Variants in PCDHGB4 observed in about 807,000 individuals in gnomAD.
PCDHGB4 encodes the protein protocadherin gamma-B4.
PCDHGB4 carries 38 observed loss-of-function variants against 60.5 expected under a neutral mutation model. The observed-to-expected ratio is 0.63, with a 90% CI of 0.48 to 0.82. PCDHGB4 has a LOEUF of 0.82. Among genes scored for constraint, PCDHGB4 ranks in the 40% least tolerant of loss-of-function variants. PCDHGB4 has a pLI of 0.00. For missense variants in PCDHGB4, 1,109 were observed against 1,209.6 expected (o/e 0.92, Z 1.23); for synonymous variants, 456 against 509.7 (o/e 0.89, Z 1.42).
chr5:141,486,287 A>G lies in PCDHGB4; in HGVS notation c.2398-8520A>G, dbSNP rs1484787777. Reference sequence around the variant, plus strand: ...AGAACCTGGCACTGTGGTGGCACTTATCAGTGTGCAGGATCCAGACTCAGG... The same window carrying G: ...AGAACCTGGCACTGTGGTGGCACTTGTCAGTGTGCAGGATCCAGACTCAGG... On this transcript the variant is annotated intron_variant, in intron 1 of 3. Transcript: ENST00000519479. The surrounding 1 kb of genome is among the most constrained non-coding windows in gnomAD (Gnocchi z 5.0). 1 of 1,613,912 alleles carries G rather than the reference A, an allele frequency of 6.2e-7. No homozygotes were observed. The highest frequency in any genetic ancestry group is 8.5e-7 in the Non-Finnish European group (1 of 1,179,970).
intron 1 of PCDHGB4, among the ~76,000 whole-genome samples, chr5:141,436,290 T>C (rs2097808305): frequency 6.6e-6 from 1 of 152,164 alleles, no homozygotes; most frequent in Non-Finnish European, 1.5e-5. Flanking sequence ...GAACAAATCA[T>C]TGAGAGTTAG....
rs994009107 is a variant in PCDHGB4 at position 141,490,364 on chromosome 5, G to A, written c.2398-4443G>A. ...ACAGTAGTGGGGTTGTTTAATGTGC[G>A]AGACCGGGACTCAGGTAGAAATGGT... On this transcript the variant is annotated intron_variant, in intron 1 of 3. Transcript: ENST00000519479. The surrounding 1 kb of genome is among the most constrained non-coding windows in gnomAD (Gnocchi z 5.4). 7 of 1,614,056 alleles carry A rather than the reference G, an allele frequency of 4.3e-6. No individual in the cohort carries two copies. In the African/African-American group the frequency reaches 5.3e-5, roughly 12 times the overall value.
At chr5:141,411,954 A>T (rs563669924) in intron 1 of PCDHGB4, 1 of 152,382 alleles carries the variant, frequency 6.6e-6, no homozygotes, top group East Asian at 1.9e-4. Flanking sequence ...TTTTGAAGAA[A>T]AAAGATAAAA....
At chr5:141,408,889 A>T in intron 1 of PCDHGB4, 3 of 1,613,232 alleles carry the variant, frequency 1.9e-6, no homozygotes, top group Non-Finnish European at 2.5e-6. Flanking sequence ...CTCACATAGA[A>T]ATTTCTGTCA....
At position 141,489,505 on chromosome 5, in the gene PCDHGB4, A is replaced by G. The variant is rs1198371307; in HGVS notation, c.2398-5302A>G. On this transcript the variant is annotated intron_variant, in intron 1 of 3. Transcript: ENST00000519479. The surrounding 1 kb of genome is among the most constrained non-coding windows in gnomAD (Gnocchi z 4.5). ...GAGTGGTGCCCTGGCAGTGAATCAA[A>G]AGATTGACCGAGAAAGCCTATGTGG... The G allele has an allele frequency of 1.9e-6, 3 of 1,613,972 alleles. No homozygotes were observed. The Admixed American group carries it at 5.0e-5, about 27-fold the overall frequency.
intron 1 of PCDHGB4, chr5:141,390,879 T>C (rs965843602): frequency 1.3e-5 from 2 of 153,458 alleles, no homozygotes; most frequent in African/African-American, 4.8e-5. Flanking sequence ...TGTGTGTGTG[T>C]GTGTGTGTGA....
intron 1 of PCDHGB4, among the ~76,000 whole-genome samples, chr5:141,464,921 G>A (rs1562002597): frequency 6.6e-6 from 1 of 151,106 alleles, no homozygotes; most frequent in Non-Finnish European, 1.5e-5. Flanking sequence ...TTATTTTTTT[G>A]TAGAGATGTG....
At chr5:141,423,240 A>G (rs1260661059) in intron 1 of PCDHGB4, 1 of 1,613,932 alleles carries the variant, frequency 6.2e-7, no homozygotes, top group Middle Eastern at 1.6e-4. Context: ...GCATCCCCGA[A>G]GTCCTGGCGG....
intron 1 of PCDHGB4, chr5:141,430,640 G>A (rs902915974): frequency 1.1e-6 from 1 of 916,196 alleles, no homozygotes; most frequent in East Asian, 2.7e-5. Flanking sequence ...ATCCCTGGGA[G>A]TATGTGGAAA....
At chr5:141,457,750 C>G (rs900052683) in intron 1 of PCDHGB4, among the ~76,000 whole-genome samples, 4 of 152,188 alleles carry the variant, frequency 2.6e-5, no homozygotes, top group African/African-American at 9.6e-5. Flanking sequence ...AAGCTGAGCC[C>G]AGACATGGGT....
chr5:141,477,433 C>T lies in PCDHGB4; in HGVS notation c.2398-17374C>T, dbSNP rs1389102640. On this transcript the variant is annotated intron_variant, in intron 1 of 3. Transcript: ENST00000519479. The surrounding 1 kb of genome is among the most constrained non-coding windows in gnomAD (Gnocchi z 4.9). ...ACGCCGGAACCCCTTCCCTCTCAGCCCTTACAATAGTGCGTGTTCAAGTGT... is the reference window on the plus strand; with the variant it reads ...ACGCCGGAACCCCTTCCCTCTCAGCTCTTACAATAGTGCGTGTTCAAGTGT... 6.2e-7 allele frequency: 1 copy of T among 1,614,048 alleles called. No individual in the cohort carries two copies. The highest frequency in any genetic ancestry group is 2.2e-5 in the East Asian group (1 of 44,892).
intron 2 of PCDHGB4, among the ~76,000 whole-genome samples, chr5:141,503,688 T>A (rs2099828724): frequency 6.6e-6 from 1 of 152,042 alleles, no homozygotes; most frequent in African/African-American, 2.4e-5. Context: ...GGAAGGAGAA[T>A]TGAGATTCCT....
intron 1 of PCDHGB4, chr5:141,414,130 T>C (rs761622500): frequency 6.3e-7 from 1 of 1,594,602 alleles, no homozygotes; most frequent in South Asian, 1.1e-5. Context: ...AACCGGTTTC[T>C]ATGAAATAGA....
intron 1 of PCDHGB4, among the ~76,000 whole-genome samples, chr5:141,492,394 G>C (rs2099740158): frequency 6.6e-6 from 1 of 152,220 alleles, no homozygotes; most frequent in African/African-American, 2.4e-5. Context: ...CGGTCCACTC[G>C]CAGCTCCCCT....
intron 2 of PCDHGB4, among the ~76,000 whole-genome samples, chr5:141,499,879 G>C (rs1470090790): frequency 9.2e-5 from 14 of 151,952 alleles, no homozygotes. Flanking sequence ...GTACAAACAG[G>C]GTTTCGCCAT....
intron 1 of PCDHGB4, chr5:141,441,867 GCCTGGCTA>G (rs2098280856): frequency 1.2e-5 from 4 of 345,682 alleles, no homozygotes; most frequent in Non-Finnish European, 2.3e-5. Flanking sequence ...ACGCCGCGGA[GCCTGGCTA>G]CCTGGTCACC....
intron 1 of PCDHGB4, among the ~76,000 whole-genome samples, chr5:141,433,837 C>CA (rs56191208): frequency 0.14 from 15,134 of 111,544 alleles, 1,164 homozygotes; most frequent in African/African-American, 0.25. Context: ...AACTCTATCT[C>CA]AAAAAAAAAA....
At chr5:141,429,801 C>T (rs2097245893) in intron 1 of PCDHGB4, among the ~76,000 whole-genome samples, 1 of 152,104 alleles carries the variant, frequency 6.6e-6, no homozygotes, top group African/African-American at 2.4e-5. Flanking sequence ...CAGTAATTCT[C>T]AGTAATTACA....
chr5:141,486,884 C>G lies in PCDHGB4; in HGVS notation c.2398-7923C>G, dbSNP rs1272694679. On this transcript the variant is annotated intron_variant, in intron 1 of 3. Transcript: ENST00000519479. The surrounding 1 kb of genome is among the most constrained non-coding windows in gnomAD (Gnocchi z 5.0). ...TCCAGCTGTGCTCCGTCCTCGGGCC[C>G]GGCCTGGTTCCTTATGTCCCCAAGC... The G allele has an allele frequency of 6.2e-7, 1 of 1,614,224 alleles. No homozygotes were observed. The highest frequency in any genetic ancestry group is 8.5e-7 in the Non-Finnish European group (1 of 1,180,046).
Sources: gnomAD v4.1 joint callset for allele counts (sites outside exome capture counted in the v4.1 genomes callset) on GRCh38, gnomAD v4.1.1 for gene constraint, Gnocchi (gnomAD v3.1) non-coding constraint, MANE v1.5 for transcripts, NCBI Gene and HGNC (gene_info 2026-07-23, HGNC 2026-07-21) for gene names.